The following ZNF600 variants were observed in gnomAD, a reference collection of about 807,000 sequenced individuals.
ZNF600 encodes the protein zinc finger protein 600.
ZNF600 carries 4 observed loss-of-function variants against 7.3 expected under a neutral mutation model. That is an observed-to-expected ratio of 0.55 (90% CI 0.27 to 1.25). The LOEUF (loss-of-function observed/expected upper bound fraction) is 1.25, where lower values mean the gene tolerates loss of function less well. Ranked by LOEUF, ZNF600 falls within the 50% of genes most tolerant of loss-of-function variation. The pLI, the probability that ZNF600 is intolerant of heterozygous loss-of-function variation, is 0.12. For missense variants in ZNF600, 911 were observed against 922.1 expected (o/e 0.99, Z 0.16); for synonymous variants, 290 against 308.9 (o/e 0.94, Z 0.64).
At chr19:52,785,915 G>A (rs1348770291) in intron 1 of ZNF600, among the ~76,000 whole-genome samples, 2 of 152,056 alleles carry the variant, frequency 1.3e-5, no homozygotes, top group Non-Finnish European at 2.9e-5. Context: ...TTCTCCTCCT[G>A]CTTTCTTAGT....
the ZNF600 span, among the ~76,000 whole-genome samples, chr19:52,832,852 A>G: frequency 6.7e-6 from 1 of 150,338 alleles, no homozygotes; most frequent in South Asian, 2.1e-4. Flanking sequence ...GCTTACTGTA[A>G]CCTCCACCTC....
the ZNF600 span, among the ~76,000 whole-genome samples, chr19:52,794,984 C>T: frequency 4.0e-4 from 61 of 152,230 alleles, no homozygotes; most frequent in Middle Eastern, 3.4e-3. Context: ...GATTGTAATA[C>T]GTTCAAAATA....
intron 1 of ZNF600, among the ~76,000 whole-genome samples, chr19:52,779,769 C>CA (rs1333781283): frequency 5.3e-5 from 8 of 152,172 alleles, no homozygotes; most frequent in Admixed American, 3.9e-4. Context: ...AAGGACCCAG[C>CA]ACAGTGGCTC....
the ZNF600 span, among the ~76,000 whole-genome samples, chr19:52,825,708 G>C: frequency 6.6e-6 from 1 of 151,936 alleles, no homozygotes; most frequent in Non-Finnish European, 1.5e-5. Context: ...TCATTTGGCC[G>C]GGCACAGTGG....
chr19:52,764,915 G>T lies in ZNF600; in HGVS notation c.*672C>A, dbSNP rs1009158801. On this transcript the variant is annotated 3_prime_UTR_variant, in exon 4 of 4. Transcript: ENST00000648973. Reference sequence around the variant, plus strand: ...ATAGAAAATAAGAATCAAAAAACAGGCTGGGAAAAGTGGCTGACATCTGTT... The same window carrying T: ...ATAGAAAATAAGAATCAAAAAACAGTCTGGGAAAAGTGGCTGACATCTGTT... The T allele has an allele frequency of 5.3e-5, 9 of 170,330 alleles. No homozygotes were observed. The South Asian group carries it at 1.1e-3, about 21-fold the overall frequency. 10.6% of individuals were successfully genotyped at this position (170,330 alleles called of 1,614,324 possible).
chr19:52,791,614 T>C (rs2062791032), upstream of ZNF600, among the ~76,000 whole-genome samples: 1 of 150,116 alleles, frequency 6.7e-6, no homozygotes, highest in African/African-American at 2.5e-5. Context: ...ATGTCAGAAA[T>C]GACTCACTCC....
chr19:52,809,469 T>C, the ZNF600 span, among the ~76,000 whole-genome samples: 1 of 152,118 alleles, frequency 6.6e-6, no homozygotes, highest in African/African-American at 2.4e-5. Flanking sequence ...GACACTGGCG[T>C]CTACTTGAGG....
upstream of ZNF600, among the ~76,000 whole-genome samples, chr19:52,788,078 C>T (rs1453943938): frequency 6.6e-6 from 1 of 152,052 alleles, no homozygotes; most frequent in Non-Finnish European, 1.5e-5. Context: ...ACCTTGGGGT[C>T]CACACCCCAT....
At chr19:52,783,608 G>C (rs977770172) in intron 1 of ZNF600, among the ~76,000 whole-genome samples, 1 of 152,086 alleles carries the variant, frequency 6.6e-6, no homozygotes, top group Non-Finnish European at 1.5e-5. Context: ...TGATCCGCCC[G>C]CCTCGGCCTC....
In ZNF600 at chr19:52,781,323, GT is replaced by G. The variant is rs1329629490; in HGVS notation, c.-19-2417del. The stretch of plus-strand genomic sequence containing the variant: ...TTCCGGTCTTATTCCTCACCTCTAT[GT>G]TACAGGTGGGCTCACTGAGGCTCAC... On this transcript the variant is annotated intron_variant, in intron 1 of 3. It introduces an in-frame stop codon into an upstream open reading frame of the 5' UTR. Coordinates refer to ENST00000648973, the Ensembl canonical transcript of ZNF600. The G allele has an allele frequency of 2.0e-5, 3 of 152,080 alleles. No individual in the cohort carries two copies. Among genetic ancestry groups the G allele is most frequent in the African/African-American group, 7.2e-5 (3 of 41,398 alleles). 9.4% of individuals were successfully genotyped at this position (152,080 alleles called of 1,614,324 possible).
At chr19:52,802,085 A>T in the ZNF600 span, among the ~76,000 whole-genome samples, 1 of 152,254 alleles carries the variant, frequency 6.6e-6, no homozygotes, top group Non-Finnish European at 1.5e-5. Context: ...ATACAAATAA[A>T]TGCTAAAGAA....
At chr19:52,809,545 C>T in the ZNF600 span, among the ~76,000 whole-genome samples, 33 of 152,262 alleles carry the variant, frequency 2.2e-4, no homozygotes, top group African/African-American at 7.5e-4. Context: ...CGGTGGCTCA[C>T]GCCTGTAATC....
At chr19:52,773,488 T>C (rs2147518394) in intron 3 of ZNF600, among the ~76,000 whole-genome samples, 1 of 152,090 alleles carries the variant, frequency 6.6e-6, no homozygotes, top group East Asian at 1.9e-4. Flanking sequence ...AAAAAATAAG[T>C]AAACCCTATG....
the ZNF600 span, among the ~76,000 whole-genome samples, chr19:52,823,490 A>G: frequency 2.6e-5 from 4 of 152,122 alleles, no homozygotes; most frequent in Admixed American, 6.6e-5. Context: ...TGCTGAGACT[A>G]CAGGCGTGCG....
the ZNF600 span, among the ~76,000 whole-genome samples, chr19:52,812,762 TAAAAA>T: frequency 1.6e-3 from 122 of 75,426 alleles, no homozygotes; most frequent in African/African-American, 4.7e-3. Flanking sequence ...GAATGATCAA[TAAAAA>T]AAAAAAAAAA....
the ZNF600 span, chr19:52,798,734 C>T: frequency 1.4e-4 from 70 of 514,136 alleles, no homozygotes; most frequent in African/African-American, 3.9e-4. Flanking sequence ...AATATATGAA[C>T]GATATCTGAA....
chr19:52,778,502 G>C (rs2062694478), intron 2 of ZNF600, among the ~76,000 whole-genome samples: 2 of 152,036 alleles, frequency 1.3e-5, no homozygotes, highest in Non-Finnish European at 2.9e-5. Flanking sequence ...GGTCCACAAA[G>C]AGCTGACATC....
the ZNF600 span, among the ~76,000 whole-genome samples, chr19:52,812,714 A>G: frequency 7.7e-6 from 1 of 129,352 alleles, no homozygotes; most frequent in Non-Finnish European, 1.6e-5. Flanking sequence ...CTATTGTCCT[A>G]TGACCCTGCC....
At chr19:52,804,694 G>A in the ZNF600 span, among the ~76,000 whole-genome samples, 6 of 151,916 alleles carry the variant, frequency 3.9e-5, no homozygotes, top group Admixed American at 6.6e-5. Flanking sequence ...TAGTAAATTC[G>A]AGGTTTCACC....
Sources: gnomAD v4.1 joint callset for allele counts (sites outside exome capture counted in the v4.1 genomes callset) on GRCh38, gnomAD v4.1.1 for gene constraint, MANE v1.5 for transcripts, NCBI Gene and HGNC (gene_info 2026-07-23, HGNC 2026-07-21) for gene names.